AEBP2: variants seen among roughly 807,000 people sequenced by gnomAD.
AEBP2 encodes the protein zinc finger protein AEBP2.
In AEBP2, 10 loss-of-function variants were observed where a neutral mutation model predicts 50.8. The ratio of observed to expected loss-of-function variants is 0.20; its 90% confidence interval spans 0.12 to 0.33. AEBP2 has a LOEUF of 0.33. Among genes scored for constraint, AEBP2 ranks in the 10% least tolerant of loss-of-function variants. AEBP2 has a pLI of 1.00. For synonymous variants in AEBP2, 296 were observed against 261.3 expected, an observed-to-expected ratio of 1.13 and a Z score of -1.28; for missense variants, 570 against 688.0, an observed-to-expected ratio of 0.83 and a Z score of 1.92.
At chr12:19,438,259 C>G (rs1050994220), upstream of AEBP2, among the ~76,000 whole-genome samples, 1 of 152,190 alleles carries the variant, frequency 6.6e-6, no homozygotes, top group African/African-American at 2.4e-5. Context: ...GAGTTGTCAG[C>G]TGACAGATCA....
intron 7 of AEBP2, among the ~76,000 whole-genome samples, chr12:19,517,846 T>C (rs1386101299): frequency 6.6e-6 from 1 of 152,240 alleles, no homozygotes; most frequent in African/African-American, 2.4e-5. Context: ...AAAATATATG[T>C]ATTACACATG....
chr12:19,509,284 GAA>G lies in AEBP2; in HGVS notation c.1300-3111_1300-3110del. 4 of 239,216 alleles carry G rather than the reference GAA, an allele frequency of 1.7e-5. No individual in the cohort carries two copies. In the South Asian group the frequency reaches 2.8e-4, roughly 17 times the overall value. 14.8% of individuals were successfully genotyped at this position (239,216 alleles called of 1,614,324 possible). A position where few individuals can be genotyped will look rare whatever the true frequency, so the allele number is the denominator to read the frequency against. On this transcript the variant is annotated intron_variant, in intron 5 of 7. Transcript: ENST00000266508. Reference sequence around the variant, plus strand: ...TGCAACTTTTTTAAGTAATAAAAATGAAAAGACTTGAAAAAATTTCATCTACT... The same window carrying G: ...TGCAACTTTTTTAAGTAATAAAAATGAAGACTTGAAAAAATTTCATCTACT...
intron 3 of AEBP2, among the ~76,000 whole-genome samples, chr12:19,492,296 A>G (rs950790343): frequency 6.6e-6 from 1 of 152,234 alleles, no homozygotes; most frequent in African/African-American, 2.4e-5. Context: ...CCCCCAAGAT[A>G]TAATTAGAAA....
upstream of AEBP2, among the ~76,000 whole-genome samples, chr12:19,434,677 C>G (rs552743094): frequency 2.6e-5 from 4 of 152,298 alleles, no homozygotes; most frequent in East Asian, 7.7e-4. Context: ...GAAACTGTCA[C>G]ACAGAGGTTC....
At chr12:19,505,785 TG>T (rs1205305795) in intron 5 of AEBP2, among the ~76,000 whole-genome samples, 1 of 151,800 alleles carries the variant, frequency 6.6e-6, no homozygotes, top group Non-Finnish European at 1.5e-5. Flanking sequence ...TTGTTTGTTT[TG>T]TTTTTTTGAG....
At chr12:19,480,393 C>T (rs1483003775) in intron 3 of AEBP2, among the ~76,000 whole-genome samples, 1 of 152,226 alleles carries the variant, frequency 6.6e-6, no homozygotes, top group Non-Finnish European at 1.5e-5. Flanking sequence ...GCATGGGCCA[C>T]TGCGCCCTGC....
chr12:19,439,698 C>T lies in AEBP2; in HGVS notation c.-2C>T, dbSNP rs1005422842. The T allele has an allele frequency of 4.0e-6, 6 of 1,511,942 alleles. No homozygotes were observed. Among genetic ancestry groups the T allele is most frequent in the Non-Finnish European group, 5.3e-6 (6 of 1,137,094 alleles). The allele number at this position is 1,511,942 out of a possible 1,614,324, so 93.7% of individuals were successfully genotyped here. On this transcript the variant is annotated 5_prime_UTR_variant, in exon 1 of 8. Coordinates refer to ENST00000266508, the MANE Select transcript of AEBP2 (RefSeq NM_153207.5). ...GGAGGAGGAGGAGGAGCAGGCGCCGCCATGGCCGCCGCTATCACCGACATG... is the reference window on the plus strand; with the variant it reads ...GGAGGAGGAGGAGGAGCAGGCGCCGTCATGGCCGCCGCTATCACCGACATG...
chr12:19,430,650 C>G (rs1430883485), intron 1 of AEBP2, among the ~76,000 whole-genome samples: 1 of 152,058 alleles, frequency 6.6e-6, no homozygotes, highest in Admixed American at 6.6e-5. Context: ...TCTTTTATTT[C>G]ATTGAGCAGT....
chr12:19,448,484 CAAA>C (rs796257949), intron 1 of AEBP2, among the ~76,000 whole-genome samples: 1 of 123,096 alleles, frequency 8.1e-6, no homozygotes, highest in Non-Finnish European at 1.7e-5. Flanking sequence ...GACTCCATCT[CAAA>C]AAAAAAAAAA....
At chr12:19,480,348 G>A (rs1423334639) in intron 3 of AEBP2, among the ~76,000 whole-genome samples, 1 of 152,148 alleles carries the variant, frequency 6.6e-6, no homozygotes, top group Admixed American at 6.5e-5. Flanking sequence ...CAGGTGATCT[G>A]CCCACCTCGG....
At position 19,521,114 on chromosome 12, in the gene AEBP2, G is replaced by A. The variant is rs1005728540; in HGVS notation, c.*2997G>A. 1.3e-5 allele frequency: 2 copies of A among 152,072 alleles called. No homozygotes were observed. The highest frequency in any genetic ancestry group is 4.8e-5 in the African/African-American group (2 of 41,396). The allele number at this position is 152,072 out of a possible 1,614,324, so 9.4% of individuals were successfully genotyped here. ...AAATACTTCTGGTCCCAAGCATTTC[G>A]GATAAGGGATACTCAGCCTGTCTCT... On this transcript the variant is annotated 3_prime_UTR_variant, in exon 8 of 8. Transcript: ENST00000266508.
chr12:19,408,896 CT>C (rs1171935493), intron 1 of AEBP2, among the ~76,000 whole-genome samples: 1 of 120,568 alleles, frequency 8.3e-6, no homozygotes, highest in Non-Finnish European at 1.7e-5. Flanking sequence ...GAGTGAGACT[CT>C]GTCTCAAATA....
chr12:19,409,006 T>C (rs1167400290), intron 1 of AEBP2, among the ~76,000 whole-genome samples: 2 of 152,062 alleles, frequency 1.3e-5, no homozygotes, highest in Non-Finnish European at 2.9e-5. Context: ...TATGTAAATA[T>C]AAGCAAACAC....
At chr12:19,491,866 T>G (rs11044606) in intron 3 of AEBP2, among the ~76,000 whole-genome samples, 5 of 152,190 alleles carry the variant, frequency 3.3e-5, no homozygotes, top group Admixed American at 2.0e-4. Context: ...GACATAGATA[T>G]GCAGTGAAGT....
At chr12:19,495,689 G>GA in intron 4 of AEBP2, among the ~76,000 whole-genome samples, 1 of 151,870 alleles carries the variant, frequency 6.6e-6, no homozygotes, top group Admixed American at 6.6e-5. Context: ...CTACAGGCCT[G>GA]AGCCACCATG....
At chr12:19,442,859 T>A (rs1412353207) in intron 1 of AEBP2, among the ~76,000 whole-genome samples, 1 of 152,176 alleles carries the variant, frequency 6.6e-6, no homozygotes, top group Non-Finnish European at 1.5e-5. Context: ...TCTTATAAAT[T>A]ACTGTAGATT....
intron 1 of AEBP2, among the ~76,000 whole-genome samples, chr12:19,453,166 T>C (rs995962925): frequency 2.0e-5 from 3 of 152,046 alleles, no homozygotes; most frequent in African/African-American, 7.2e-5. Flanking sequence ...AGATGGAGTT[T>C]CACTGTGTTA....
In AEBP2 at chr12:19,500,099, C is replaced by A. The variant is rs1245228676; in HGVS notation, c.1177C>A (p.Arg393=). 1 of 1,603,578 alleles carries A rather than the reference C, an allele frequency of 6.2e-7. No homozygotes were observed. Among genetic ancestry groups the A allele is most frequent in the Non-Finnish European group, 8.5e-7 (1 of 1,175,332 alleles). Residue 393 remains arginine, a splice_region_variant and synonymous_variant, in exon 5 of 8, where the codon CGG becomes AGG. Transcript: ENST00000266508. The part of the protein sequence containing the change: ...LKNKRRRSLP[R]PHDFFDAQTL... Reference sequence around the variant, plus strand: ...TTACTTTTTATGTTGACTTTTAGCACGGCCACATGATTTCTTCGATGCACA... The same window carrying A: ...TTACTTTTTATGTTGACTTTTAGCAAGGCCACATGATTTCTTCGATGCACA...
chr12:19,475,841 A>G (rs978246922), intron 3 of AEBP2, among the ~76,000 whole-genome samples: 3 of 152,212 alleles, frequency 2.0e-5, no homozygotes, highest in East Asian at 3.9e-4. Context: ...ATGCTTATTC[A>G]TGTAATTTGC....
Sources: gnomAD v4.1 joint callset for allele counts (sites outside exome capture counted in the v4.1 genomes callset) on GRCh38, gnomAD v4.1.1 for gene constraint, MANE v1.5 for transcripts, NCBI Gene and HGNC (gene_info 2026-07-23, HGNC 2026-07-21) for gene names.